The following TOP1 variants were observed in gnomAD, a reference collection of about 807,000 sequenced individuals.
TOP1 encodes the protein DNA topoisomerase I, also known as DNA topoisomerase 1.
In TOP1, 10 loss-of-function variants were observed where a neutral mutation model predicts 111.1. That is an observed-to-expected ratio of 0.09 (90% CI 0.06 to 0.15). The LOEUF (loss-of-function observed/expected upper bound fraction) is 0.15. Among genes scored for constraint, TOP1 ranks in the 10% least tolerant of loss-of-function variants. TOP1 has a pLI of 1.00. For missense variants in TOP1, 474 were observed against 926.7 expected (o/e 0.51, Z 6.34); for synonymous variants, 271 against 302.9 (o/e 0.89, Z 1.10).
At chr20:41,053,731 A>AT (rs1224821859) in intron 2 of TOP1, among the ~76,000 whole-genome samples, 1 of 152,242 alleles carries the variant, frequency 6.6e-6, no homozygotes, top group African/African-American at 2.4e-5. Context: ...TTCCTAAAAC[A>AT]TTTTTTCTTA....
At chr20:41,107,628 C>T (rs921158894) in intron 13 of TOP1, among the ~76,000 whole-genome samples, 1 of 152,074 alleles carries the variant, frequency 6.6e-6, no homozygotes, top group South Asian at 2.1e-4. Flanking sequence ...TTTATGCATA[C>T]TAAACATACT....
intron 2 of TOP1, among the ~76,000 whole-genome samples, chr20:41,033,874 G>A (rs550573180): frequency 6.6e-6 from 1 of 152,068 alleles, no homozygotes; most frequent in African/African-American, 2.4e-5. Context: ...AAACTGTGTC[G>A]AACTCCAGTA....
rs2033808770 is a variant in TOP1 at position 41,083,132 on chromosome 20, T to C, written c.508-1330T>C. 6.6e-6 allele frequency among the ~76,000 whole-genome samples: 1 copy of C among 152,126 alleles called. No homozygotes were observed. Among genetic ancestry groups the C allele is most frequent in the Non-Finnish European group, 1.5e-5 (1 of 68,012 alleles). On this transcript the variant is annotated intron_variant, in intron 7 of 20. Coordinates refer to ENST00000361337, the MANE Select transcript of TOP1 (RefSeq NM_003286.4). The surrounding 1 kb of genome is among the most constrained non-coding windows in gnomAD (Gnocchi z 7.2). ...GGTCTCTTAGTGACTGACACCCCAA[T>C]TTGAGGCTTGAAAACATACAATGTA... is the stretch of plus-strand genomic sequence containing the variant.
intron 2 of TOP1, among the ~76,000 whole-genome samples, chr20:41,039,018 C>T (rs897691660): frequency 5.3e-5 from 8 of 151,856 alleles, no homozygotes; most frequent in Admixed American, 2.6e-4. Flanking sequence ...TCATCATCAT[C>T]TTTGGCAGTG....
chr20:41,109,026 G>A lies in TOP1; in HGVS notation c.1309-3756G>A, dbSNP rs1012038411. On this transcript the variant is annotated intron_variant, in intron 13 of 20. Transcript: ENST00000361337. This position sits in a 1 kb window ranked among gnomAD's most constrained non-coding sequence, Gnocchi z 4.1. The stretch of plus-strand genomic sequence containing the variant: ...AAACTTTAGGATCAATGTTGACATC[G>A]TATTGCGTTTAGTCCTGTTAAAATA... Among the ~76,000 whole-genome samples, 3 of 152,164 alleles carry A rather than the reference G, an allele frequency of 2.0e-5. No homozygotes were observed. Among genetic ancestry groups the A allele is most frequent in the African/African-American group, 7.2e-5 (3 of 41,444 alleles).
At chr20:41,054,776 A>T (rs2033449281) in intron 2 of TOP1, among the ~76,000 whole-genome samples, 1 of 152,162 alleles carries the variant, frequency 6.6e-6, no homozygotes, top group African/African-American at 2.4e-5. Flanking sequence ...TTTGGTTTTA[A>T]ATTGAATTAG....
At chr20:41,066,557 C>CTTTTTTTTT (rs776922601) in intron 3 of TOP1, among the ~76,000 whole-genome samples, 4 of 129,404 alleles carry the variant, frequency 3.1e-5, no homozygotes, top group African/African-American at 1.2e-4. Context: ...CTTTTCTTTT[C>CTTTTTTTTT]TTTTTTTTTT....
At chr20:41,107,391 CTT>C (rs376323730) in intron 13 of TOP1, among the ~76,000 whole-genome samples, 471 of 152,204 alleles carry the variant, frequency 3.1e-3, no homozygotes, top group African/African-American at 0.01. Context: ...TTTTCATACT[CTT>C]TGTCTCTTTA....
intron 8 of TOP1, among the ~76,000 whole-genome samples, chr20:41,089,017 G>GTTTTTTTTTTTTTTTTT (rs1290740653): frequency 7.2e-5 from 5 of 69,266 alleles, no homozygotes; most frequent in East Asian, 7.6e-4. Flanking sequence ...TGTTGCCCCA[G>GTTTTTTTTTTTTTTTTT]TTCTTTTTTT....
At chr20:41,037,452 A>C (rs1033973430) in intron 2 of TOP1, among the ~76,000 whole-genome samples, 1 of 152,248 alleles carries the variant, frequency 6.6e-6, no homozygotes, top group Admixed American at 6.5e-5. Flanking sequence ...AAAGCACCTG[A>C]GAATTACTTC....
At chr20:41,057,057 G>A (rs542007385) in intron 2 of TOP1, among the ~76,000 whole-genome samples, 7 of 152,074 alleles carry the variant, frequency 4.6e-5, no homozygotes, top group Non-Finnish European at 8.8e-5. Context: ...CCTGAGCTCA[G>A]GAGTTCGAGA....
At position 41,034,629 on chromosome 20, in the gene TOP1, A is replaced by G. The variant is rs1341211013; in HGVS notation, c.58+5174A>G. Reference sequence around the variant, plus strand: ...TGATAGTTTGCTGAAATGATTTAATAGTAAATAGATATTGTTGAACATTTT... The same window carrying G: ...TGATAGTTTGCTGAAATGATTTAATGGTAAATAGATATTGTTGAACATTTT... On this transcript the variant is annotated intron_variant, in intron 2 of 20. Transcript: ENST00000361337. This position sits in a 1 kb window ranked among gnomAD's most constrained non-coding sequence, Gnocchi z 4.0. Among the ~76,000 whole-genome samples, 1 of 152,214 alleles carries G rather than the reference A, an allele frequency of 6.6e-6. No individual in the cohort carries two copies. Among genetic ancestry groups the G allele is most frequent in the African/African-American group, 2.4e-5 (1 of 41,444 alleles).
intron 2 of TOP1, among the ~76,000 whole-genome samples, chr20:41,047,338 C>T (rs2033346647): frequency 6.6e-6 from 1 of 152,182 alleles, no homozygotes; most frequent in Admixed American, 6.5e-5. Context: ...CGTTCAGATA[C>T]ACAAATACTT....
At position 41,076,202 on chromosome 20, in the gene TOP1, G is replaced by A; in HGVS notation, c.187G>A (p.Glu63Lys). The A allele has an allele frequency of 6.2e-7, 1 of 1,605,990 alleles. No homozygotes were observed. The highest frequency in any genetic ancestry group is 8.5e-7 in the Non-Finnish European group (1 of 1,173,100). ...EHKDSEKKHK[E>K]KEKTKHKDGS... ...TAAAGATTCTGAAAAGAAACACAAA[G>A]AGAAGGAGAAGACCAAACACAAAGA... The change falls in exon 4 of 21, where the codon GAG (glutamate) becomes AAG (lysine). Residue 63 changes from glutamate to lysine, a missense_variant. This residue lies in a region of TOP1 where 185 missense variants were observed against 226.3 expected (regional missense o/e 0.82). Transcript: ENST00000361337.
rs547499273 is a variant in TOP1 at position 41,058,698 on chromosome 20, CA to C, written c.59-2694del. On this transcript the variant is annotated intron_variant, in intron 2 of 20. Transcript: ENST00000361337. The surrounding 1 kb of genome is among the most constrained non-coding windows in gnomAD (Gnocchi z 4.2). ...TGAGTCACAGTGTCCAGCCCACACT[CA>C]AGGGGAGGGGAATTAGGCTATACCT... Among the ~76,000 whole-genome samples, 241 of 152,186 alleles carry C rather than the reference CA, an allele frequency of 1.6e-3. No individual in the cohort carries two copies. Among genetic ancestry groups the C allele is most frequent in the Non-Finnish European group, 2.3e-3 (159 of 68,004 alleles).
rs2034291616 is a variant in TOP1, at chr20:41,114,187, T to C, written c.1638+32T>C. The C allele has an allele frequency of 7.7e-6, 12 of 1,568,474 alleles. No homozygotes were observed. The highest frequency in any genetic ancestry group is 1.0e-5 in the Non-Finnish European group (12 of 1,148,748). On this transcript the variant is annotated intron_variant, in intron 15 of 20. Transcript: ENST00000361337. The surrounding 1 kb of genome is among the most constrained non-coding windows in gnomAD (Gnocchi z 4.5). ...TAATGTACCTGTACTGTCTGACTTGTTTTCCATTATTCAACAAGCATGGGT... is the reference window on the plus strand; with the variant it reads ...TAATGTACCTGTACTGTCTGACTTGCTTTCCATTATTCAACAAGCATGGGT...
intron 4 of TOP1, 22 bp downstream of exon 4, chr20:41,076,316 G>A (rs2033726974): frequency 6.3e-7 from 1 of 1,591,738 alleles, no homozygotes; most frequent in African/African-American, 1.4e-5. Flanking sequence ...TCTAGTAGGG[G>A]AGGAAGGAAC....
chr20:41,048,073 A>G lies in TOP1; in HGVS notation c.59-13321A>G, dbSNP rs185220949. Among the ~76,000 whole-genome samples, 6 of 151,836 alleles carry G rather than the reference A, an allele frequency of 4.0e-5. No homozygotes were observed. In the East Asian group the frequency reaches 1.2e-3, roughly 29 times the overall value. Reference sequence around the variant, plus strand: ...CTTTCTTCCTCAATTGTAGAGACTCAATAGTCTAGGCTATAAATTAAAAAA... The same window carrying G: ...CTTTCTTCCTCAATTGTAGAGACTCGATAGTCTAGGCTATAAATTAAAAAA... On this transcript the variant is annotated intron_variant, in intron 2 of 20. Transcript: ENST00000361337.
intron 5 of TOP1, 134 bp downstream of exon 5, chr20:41,077,771 G>A: frequency 2.6e-6 from 2 of 776,208 alleles, no homozygotes; most frequent in Non-Finnish European, 4.3e-6. Context: ...AAGCTCAGCA[G>A]TGAGAAGACT....
Sources: gnomAD v4.1 joint callset for allele counts (sites outside exome capture counted in the v4.1 genomes callset) on GRCh38, gnomAD v4.1.1 for gene constraint, gnomAD v4.1.1 regional missense constraint, Gnocchi (gnomAD v3.1) non-coding constraint, MANE v1.5 for transcripts, NCBI Gene and HGNC (gene_info 2026-07-23, HGNC 2026-07-21) for gene names.